IL1RL2: variants seen among roughly 807,000 people sequenced by gnomAD.
The protein encoded by IL1RL2 is interleukin 1 receptor like 2.
Under a neutral mutation model 66.8 loss-of-function variants are expected in IL1RL2, and 68 were observed. The ratio of observed to expected loss-of-function variants is 1.02; its 90% CI spans 0.84 to 1.25. The LOEUF (loss-of-function observed/expected upper bound fraction) is 1.25, where lower values mean the gene tolerates loss of function less well. IL1RL2 is among the 50% of genes most tolerant of loss of function. The probability of loss-of-function intolerance (pLI) is 0.00; values close to 1 mark genes in which losing one functional copy is unlikely to be tolerated. For synonymous variants in IL1RL2, 305 were observed against 264.6 expected, an observed-to-expected ratio of 1.15 and a Z score of -1.48; for missense variants, 729 against 709.3, an observed-to-expected ratio of 1.03 and a Z score of -0.32.
In IL1RL2 at chr2:102,239,280, G is replaced by A; in HGVS notation, c.*39G>A. ...GACACCTATGGCTGGAAGATGACTT[G>A]TTTTGCTCCATGTCTCCTCATTCCT... On this transcript the variant is annotated 3_prime_UTR_variant, in exon 12 of 12. Coordinates refer to ENST00000264257, the MANE Select transcript of IL1RL2 (RefSeq NM_003854.4). 1 of 1,593,724 alleles carries A rather than the reference G, an allele frequency of 6.3e-7. No individual in the cohort carries two copies. Among genetic ancestry groups the A allele is most frequent in the Non-Finnish European group, 8.6e-7 (1 of 1,161,456 alleles).
intron 2 of IL1RL2, among the ~76,000 whole-genome samples, chr2:102,188,231 C>T (rs972605499): frequency 2.0e-5 from 3 of 152,108 alleles, no homozygotes; most frequent in Non-Finnish European, 4.4e-5. Flanking sequence ...TAAGATAAAG[C>T]GTTATTTTAT....
At chr2:102,210,744 T>G (rs1375838677) in intron 5 of IL1RL2, among the ~76,000 whole-genome samples, 1 of 151,894 alleles carries the variant, frequency 6.6e-6, no homozygotes, top group African/African-American at 2.4e-5. Flanking sequence ...GATTTAGGAG[T>G]GAGATCATGA....
chr2:102,226,088 TTATACA>T (rs765210507), intron 9 of IL1RL2, 47 bp downstream of exon 9: 1 of 1,442,904 alleles, frequency 6.9e-7, no homozygotes, highest in Admixed American at 2.4e-5. Flanking sequence ...TGGTATCCTC[TTATACA>T]TATACAACGA....
Position 102,201,666 on chromosome 2 carries a change from A to G in IL1RL2, c.600A>G (p.Thr200=). 2 of 1,614,114 alleles carry G rather than the reference A, an allele frequency of 1.2e-6. No homozygotes were observed. Among genetic ancestry groups the G allele is most frequent in the Non-Finnish European group, 8.5e-7 (1 of 1,179,984 alleles). ...RGNYACQAIL[T]HSGKQYEVLN... ...ACTACGCGTGTCAAGCCATACTGAC[A>G]CACTCAGGGAAGCAGTACGAGGTTT... The change falls in exon 5 of 12, where the codon ACA becomes ACG. Residue 200 remains threonine, a synonymous_variant. Coordinates refer to ENST00000264257, the MANE Select transcript of IL1RL2 (RefSeq NM_003854.4).
intron 3 of IL1RL2, among the ~76,000 whole-genome samples, chr2:102,190,473 C>T (rs755615870): frequency 2.0e-5 from 3 of 152,206 alleles, no homozygotes; most frequent in Non-Finnish European, 4.4e-5. Context: ...ACTCCATTCT[C>T]TCGCTCTTGT....
At chr2:102,206,611 C>G (rs1688724766) in intron 5 of IL1RL2, among the ~76,000 whole-genome samples, 1 of 152,218 alleles carries the variant, frequency 6.6e-6, no homozygotes, top group African/African-American at 2.4e-5. Context: ...TCTGAGCCAC[C>G]TAAAGCTGAT....
At chr2:102,234,862 G>A in intron 10 of IL1RL2, 35 bp from the exon 11 acceptor site, 1 of 1,577,802 alleles carries the variant, frequency 6.3e-7, no homozygotes, top group Non-Finnish European at 8.7e-7. Context: ...TGTTTTAATT[G>A]TGAGTTCTTC....
In IL1RL2 at chr2:102,233,028, G is replaced by A. The variant is rs374580966; in HGVS notation, c.1201G>A (p.Val401Met). 53 of 1,614,110 alleles carry A rather than the reference G, an allele frequency of 3.3e-5. No homozygotes were observed. In the Middle Eastern group the frequency reaches 6.6e-4, roughly 20 times the overall value. ...CCACAAGGAAAGCCAGAGGCATGCCGTGGATGCCCTGGTGTTGAATATCCT... is the reference window on the plus strand; with the variant it reads ...CCACAAGGAAAGCCAGAGGCATGCCATGGATGCCCTGGTGTTGAATATCCT... ...KPHKESQRHA[V>M]DALVLNILPE... is the part of the protein sequence containing the mutation. The change falls in exon 10 of 12, where the codon GTG becomes ATG. Residue 401 changes from valine to methionine, a missense_variant. Val to Met is a conservative substitution (Grantham distance 21, BLOSUM62 1). Coordinates refer to ENST00000264257, the MANE Select transcript of IL1RL2 (RefSeq NM_003854.4).
At chr2:102,230,356 G>A (rs955789503) in intron 9 of IL1RL2, among the ~76,000 whole-genome samples, 11 of 152,152 alleles carry the variant, frequency 7.2e-5, no homozygotes, top group Non-Finnish European at 1.5e-4. Context: ...TTGAGCGGTG[G>A]CCCTGATCAG....
At chr2:102,207,839 T>G (rs1054165383) in intron 5 of IL1RL2, among the ~76,000 whole-genome samples, 1 of 152,222 alleles carries the variant, frequency 6.6e-6, no homozygotes, top group South Asian at 2.1e-4. Flanking sequence ...TGGCCCAGAC[T>G]GCCTCTCAAG....
intron 8 of IL1RL2, among the ~76,000 whole-genome samples, chr2:102,222,810 A>T (rs1690255598): frequency 6.6e-6 from 1 of 152,216 alleles, no homozygotes; most frequent in Admixed American, 6.5e-5. Context: ...CTCAGGGTCC[A>T]CCCCAGAGAA....
At chr2:102,241,990 T>A (rs1675243933), downstream of IL1RL2, among the ~76,000 whole-genome samples, 1 of 152,192 alleles carries the variant, frequency 6.6e-6, no homozygotes, top group Non-Finnish European at 1.5e-5. Flanking sequence ...AGGACATGAG[T>A]TTGTGAAACA....
chr2:102,218,268 G>A (rs1000205348), intron 6 of IL1RL2, among the ~76,000 whole-genome samples: 2 of 152,026 alleles, frequency 1.3e-5, no homozygotes, highest in Non-Finnish European at 1.5e-5. Flanking sequence ...GTACATGTGT[G>A]TTATATTTCA....
chr2:102,200,867 C>T (rs1386333302), intron 4 of IL1RL2, among the ~76,000 whole-genome samples: 1 of 152,056 alleles, frequency 6.6e-6, no homozygotes. Flanking sequence ...ATGGAGGAGG[C>T]ATGGGAAGCG....
intron 9 of IL1RL2, among the ~76,000 whole-genome samples, chr2:102,229,030 C>T (rs1305553422): frequency 6.6e-6 from 1 of 152,212 alleles, no homozygotes; most frequent in African/African-American, 2.4e-5. Context: ...CACCAAACCT[C>T]CTGCAGTTCA....
At chr2:102,218,399 T>C (rs1689801574) in intron 6 of IL1RL2, among the ~76,000 whole-genome samples, 2 of 152,148 alleles carry the variant, frequency 1.3e-5, no homozygotes, top group Non-Finnish European at 2.9e-5. Flanking sequence ...TGAATGTGTG[T>C]AGAGGCAAGA....
At chr2:102,241,302 G>A (rs934564097), downstream of IL1RL2, among the ~76,000 whole-genome samples, 4 of 152,194 alleles carry the variant, frequency 2.6e-5, no homozygotes, top group African/African-American at 9.7e-5. Context: ...TGTTTACTAT[G>A]TGCTCGCAAG....
chr2:102,219,803 T>C, intron 7 of IL1RL2, 78 bp from the exon 8 acceptor site: 1 of 1,398,384 alleles, frequency 7.2e-7, no homozygotes, highest in Admixed American at 1.8e-5. Context: ...GAAAACACTT[T>C]ATCTCCAGAA....
chr2:102,223,340 T>C (rs1690309622), intron 8 of IL1RL2, among the ~76,000 whole-genome samples: 1 of 152,206 alleles, frequency 6.6e-6, no homozygotes, highest in South Asian at 2.1e-4. Flanking sequence ...TTGGTTTTTC[T>C]GAAGCAGGGT....
Sources: gnomAD v4.1 joint callset for allele counts (sites outside exome capture counted in the v4.1 genomes callset) on GRCh38, gnomAD v4.1.1 for gene constraint, MANE v1.5 for transcripts, NCBI Gene and HGNC (gene_info 2026-07-23, HGNC 2026-07-21) for gene names.